Variants in GRIN2B observed in about 807,000 individuals in gnomAD.
GRIN2B encodes the protein glutamate ionotropic receptor NMDA type subunit 2B.
Under a neutral mutation model 114.5 loss-of-function variants are expected in GRIN2B, and 5 were observed. The observed-to-expected ratio is 0.04, with a 90% CI of 0.02 to 0.09. The LOEUF (loss-of-function observed/expected upper bound fraction) is 0.09, where lower values mean the gene tolerates loss of function less well. Among genes scored for constraint, GRIN2B ranks in the 10% least tolerant of loss-of-function variants. The pLI, the probability that GRIN2B is intolerant of heterozygous loss-of-function variation, is 1.00. For synonymous variants in GRIN2B, 787 were observed against 745.1 expected, an observed-to-expected ratio of 1.06 and a Z score of -0.92; for missense variants, 1,108 against 1,943.5, an observed-to-expected ratio of 0.57 and a Z score of 8.08.
At position 13,564,463 on chromosome 12, in the gene GRIN2B, G is replaced by A. The variant is rs751637286; in HGVS notation, c.2775C>T (p.Ile925=). The A allele has an allele frequency of 6.2e-7, 1 of 1,614,232 alleles. No homozygotes were observed. Among genetic ancestry groups the A allele is most frequent in the African/African-American group, 1.3e-5 (1 of 75,068 alleles). ...TGTCATAGACGGATGACTCCCGTCGGATGAAGTCCAGGGCGCTCTGCGGTG... is the reference window on the plus strand; with the variant it reads ...TGTCATAGACGGATGACTCCCGTCGAATGAAGTCCAGGGCGCTCTGCGGTG... ...NGSPQSALDF[I]RRESSVYDIS... Residue 925 remains isoleucine, a synonymous_variant, in exon 14 of 14, where the codon ATC becomes ATT. Transcript: ENST00000609686. This position sits in a 1 kb window ranked among gnomAD's most constrained non-coding sequence, Gnocchi z 4.8.
At chr12:13,796,492 T>C (rs1290006273) in intron 3 of GRIN2B, among the ~76,000 whole-genome samples, 1 of 152,234 alleles carries the variant, frequency 6.6e-6, no homozygotes, top group African/African-American at 2.4e-5. Context: ...AGACAAGCCT[T>C]TCCCCAATTC....
intron 2 of GRIN2B, among the ~76,000 whole-genome samples, chr12:13,893,086 A>AAAACG (rs1330289587): frequency 6.6e-6 from 1 of 152,214 alleles, no homozygotes; most frequent in Non-Finnish European, 1.5e-5. Context: ...TGACTTGCTT[A>AAAACG]GCATTGATCA....
At chr12:13,657,893 T>C (rs1048269988) in intron 5 of GRIN2B, among the ~76,000 whole-genome samples, 10 of 152,156 alleles carry the variant, frequency 6.6e-5, no homozygotes, top group African/African-American at 2.4e-4. Context: ...TATAAAAATA[T>C]TCCCACATGT....
chr12:13,753,813 C>T lies in GRIN2B; in HGVS notation c.514G>A (p.Val172Ile), dbSNP rs201377003. ...EEYDWYIFSI[V>I]TTYFPGYQDF... ...TGGTAGCCAGGGAAATAGGTGGTGACGATAGAAAAGATGTACCAGTCATAT... is the reference window on the plus strand; with the variant it reads ...TGGTAGCCAGGGAAATAGGTGGTGATGATAGAAAAGATGTACCAGTCATAT... The change falls in exon 4 of 14, where the codon GTC (valine) becomes ATC (isoleucine). Residue 172 changes from valine to isoleucine, a missense_variant. Val to Ile is a conservative substitution (Grantham distance 29). Around this residue, in one of 19 missense-constraint regions of GRIN2B, gnomAD observed 199 missense variants for 439.6 expected, o/e 0.45. Coordinates refer to ENST00000609686, the MANE Select transcript of GRIN2B (RefSeq NM_000834.5). This position sits in a 1 kb window ranked among gnomAD's most constrained non-coding sequence, Gnocchi z 6.2. 44 of 1,613,050 alleles carry T rather than the reference C, an allele frequency of 2.7e-5. No homozygotes were observed. The highest frequency in any genetic ancestry group is 3.3e-4 in the Middle Eastern group (2 of 6,082).
chr12:13,965,260 G>A (rs1385329055), intron 2 of GRIN2B, among the ~76,000 whole-genome samples: 2 of 152,064 alleles, frequency 1.3e-5, no homozygotes, highest in Non-Finnish European at 2.9e-5. Context: ...TAACTGAAAG[G>A]TTTGATATTT....
intron 2 of GRIN2B, among the ~76,000 whole-genome samples, chr12:13,880,486 T>G (rs1866055291): frequency 6.6e-6 from 1 of 152,092 alleles, no homozygotes; most frequent in African/African-American, 2.4e-5. Context: ...CTAAATCCAT[T>G]TTATCCTCAG....
chr12:13,799,738 T>G (rs1864473640), intron 3 of GRIN2B, among the ~76,000 whole-genome samples: 1 of 149,712 alleles, frequency 6.7e-6, no homozygotes, highest in African/African-American at 2.5e-5. Flanking sequence ...GGACTGGGGG[T>G]GGTCAGGAGC....
intron 3 of GRIN2B, among the ~76,000 whole-genome samples, chr12:13,795,547 T>C (rs968645716): frequency 1.3e-5 from 2 of 152,198 alleles, no homozygotes; most frequent in African/African-American, 4.8e-5. Context: ...AGCTAATGCA[T>C]AGAAATACCA....
intron 10 of GRIN2B, among the ~76,000 whole-genome samples, chr12:13,575,586 G>C (rs1225478331): frequency 4.6e-5 from 7 of 152,196 alleles, no homozygotes; most frequent in East Asian, 3.9e-4. Flanking sequence ...TTGAGCCCAG[G>C]AGGTGGAGGT....
chr12:13,722,735 G>T (rs561437800), intron 4 of GRIN2B, among the ~76,000 whole-genome samples: 2 of 152,082 alleles, frequency 1.3e-5, no homozygotes, highest in Non-Finnish European at 2.9e-5. Context: ...GGGCTGACTC[G>T]AGTGACGATT....
At chr12:13,795,207 A>C (rs220559) in intron 3 of GRIN2B, among the ~76,000 whole-genome samples, 1 of 152,034 alleles carries the variant, frequency 6.6e-6, no homozygotes, top group Non-Finnish European at 1.5e-5. Context: ...AAAAATATCT[A>C]ACAACATTTA....
intron 5 of GRIN2B, among the ~76,000 whole-genome samples, chr12:13,661,981 T>C (rs762444260): frequency 2.0e-5 from 3 of 152,124 alleles, no homozygotes; most frequent in African/African-American, 4.8e-5. Context: ...TCACATTCGA[T>C]GGTACAGGGT....
chr12:13,852,803 C>T (rs574847395), intron 3 of GRIN2B, among the ~76,000 whole-genome samples: 6 of 151,948 alleles, frequency 3.9e-5, no homozygotes, highest in East Asian at 1.9e-4. Context: ...GCTCCATCCA[C>T]GATACTATAC....
intron 5 of GRIN2B, among the ~76,000 whole-genome samples, chr12:13,650,219 T>C (rs1284706086): frequency 6.6e-6 from 1 of 152,052 alleles, no homozygotes; most frequent in Non-Finnish European, 1.5e-5. Context: ...CTCCTCCATG[T>C]GGACACTCCC....
At position 13,856,824 on chromosome 12, in the gene GRIN2B, C is replaced by T. The variant is rs559338344; in HGVS notation, c.411+8974G>A. On this transcript the variant is annotated intron_variant, in intron 3 of 13. Coordinates refer to ENST00000609686, the MANE Select transcript of GRIN2B (RefSeq NM_000834.5). ...CTCTCATGGTTTCAGCTATCCTGTC[C>T]CCGCAAATAAGGCTTATAGCTACAT... is the stretch of plus-strand genomic sequence containing the variant. 2.6e-5 allele frequency among the ~76,000 whole-genome samples: 4 copies of T among 152,216 alleles called. No homozygotes were observed. The East Asian group carries it at 5.8e-4, about 22-fold the overall frequency.
intron 4 of GRIN2B, among the ~76,000 whole-genome samples, chr12:13,752,891 C>A (rs956864368): frequency 3.9e-5 from 6 of 152,216 alleles, no homozygotes; most frequent in African/African-American, 1.2e-4. Flanking sequence ...AAGTCTCCTG[C>A]ATCTTTCTTT....
At chr12:13,804,394 C>T (rs1399468583) in intron 3 of GRIN2B, among the ~76,000 whole-genome samples, 1 of 152,008 alleles carries the variant, frequency 6.6e-6, no homozygotes, top group Admixed American at 6.6e-5. Flanking sequence ...TTAGGTTCTC[C>T]ACAATCATTT....
chr12:13,952,063 G>GTT (rs201776819), intron 2 of GRIN2B, among the ~76,000 whole-genome samples: 1 of 150,920 alleles, frequency 6.6e-6, no homozygotes, highest in Non-Finnish European at 1.5e-5. Context: ...TTTTTATTGG[G>GTT]TTTTTTTTTG....
At chr12:13,621,281 G>A (rs1253499441) in intron 5 of GRIN2B, among the ~76,000 whole-genome samples, 1 of 152,184 alleles carries the variant, frequency 6.6e-6, no homozygotes, top group East Asian at 1.9e-4. Context: ...GAAGTGGTGT[G>A]AGTCTACAAT....
Sources: allele counts gnomAD v4.1 joint callset (sites outside exome capture counted in the v4.1 genomes callset), GRCh38; gene constraint gnomAD v4.1.1; regional missense constraint gnomAD v4.1.1; non-coding constraint Gnocchi (gnomAD v3.1); transcripts MANE v1.5; gene names NCBI Gene and HGNC (gene_info 2026-07-23, HGNC 2026-07-21).